Variants in ST6GALNAC5 observed in about 807,000 individuals in gnomAD.
The protein encoded by ST6GALNAC5 is alpha-N-acetylgalactosaminide alpha-2,6-sialyltransferase 5.
Under a neutral mutation model 33.6 loss-of-function variants are expected in ST6GALNAC5, and 27 were observed. The ratio of observed to expected loss-of-function variants is 0.80; its 90% confidence interval spans 0.59 to 1.11. ST6GALNAC5 has a LOEUF of 1.11. ST6GALNAC5 is among the 50% of genes least tolerant of loss of function. The pLI is 0.00. For missense variants in ST6GALNAC5, 428 were observed against 454.0 expected (o/e 0.94, Z 0.52); for synonymous variants, 194 against 171.2 (o/e 1.13, Z -1.04).
At chr1:77,041,002 T>C (rs1316587012) in intron 2 of ST6GALNAC5, among the ~76,000 whole-genome samples, 1 of 152,252 alleles carries the variant, frequency 6.6e-6, no homozygotes, top group African/African-American at 2.4e-5. Context: ...GTCAACTCTT[T>C]GCAGTCAGCT....
At chr1:76,882,001 C>T (rs1287809218) in intron 2 of ST6GALNAC5, among the ~76,000 whole-genome samples, 1 of 152,198 alleles carries the variant, frequency 6.6e-6, no homozygotes, top group Admixed American at 6.5e-5. Context: ...TCAGTGCCAA[C>T]ATCTTCTAAG....
rs537751071 is a variant in ST6GALNAC5, at chr1:76,899,749, TG to T, written c.261+31008del. ...AATTAAGAGAAGGGAGAGATTGAAGTGTGGCGCCAAGATTGAAAGAAGAAAG... is the reference window on the plus strand; with the variant it reads ...AATTAAGAGAAGGGAGAGATTGAAGTTGGCGCCAAGATTGAAAGAAGAAAG... On this transcript the variant is annotated intron_variant, in intron 2 of 4. Transcript: ENST00000477717. 2.6e-3 allele frequency among the ~76,000 whole-genome samples: 403 copies of T among 152,118 alleles called. 6 individuals are homozygous for T. The highest frequency in any genetic ancestry group is 9.3e-3 in the African/African-American group (385 of 41,506).
At chr1:77,004,285 A>G (rs1453697568) in intron 2 of ST6GALNAC5, among the ~76,000 whole-genome samples, 5 of 149,720 alleles carry the variant, frequency 3.3e-5, no homozygotes, top group Admixed American at 6.7e-5. Flanking sequence ...TGATCGCATC[A>G]GCTCCTGAGG....
At chr1:76,965,391 C>A (rs961479801) in intron 2 of ST6GALNAC5, among the ~76,000 whole-genome samples, 1 of 152,014 alleles carries the variant, frequency 6.6e-6, no homozygotes, top group African/African-American at 2.4e-5. Flanking sequence ...CATGTGTCTG[C>A]GGGTGCATAA....
At chr1:76,912,779 G>A (rs956250593) in intron 2 of ST6GALNAC5, among the ~76,000 whole-genome samples, 5 of 151,904 alleles carry the variant, frequency 3.3e-5, no homozygotes, top group Admixed American at 1.3e-4. Context: ...TTTGCTGGTA[G>A]ATCTTCCATC....
intron 2 of ST6GALNAC5, among the ~76,000 whole-genome samples, chr1:77,011,427 A>G (rs1650630602): frequency 6.6e-6 from 1 of 152,180 alleles, no homozygotes; most frequent in Non-Finnish European, 1.5e-5. Flanking sequence ...AAGCCATTAG[A>G]GATATTCCCT....
At chr1:76,919,859 A>G (rs1238970062) in intron 2 of ST6GALNAC5, among the ~76,000 whole-genome samples, 1 of 152,212 alleles carries the variant, frequency 6.6e-6, no homozygotes, top group Non-Finnish European at 1.5e-5. Flanking sequence ...GAACTGTAGT[A>G]TCACTACACT....
chr1:76,896,784 A>T (rs1654149606), intron 2 of ST6GALNAC5, among the ~76,000 whole-genome samples: 1 of 152,154 alleles, frequency 6.6e-6, no homozygotes, highest in Non-Finnish European at 1.5e-5. Context: ...AAGTTATGAG[A>T]AATGTAGAGA....
chr1:76,998,457 T>C (rs377683353), intron 2 of ST6GALNAC5, among the ~76,000 whole-genome samples: 1 of 152,122 alleles, frequency 6.6e-6, no homozygotes, highest in African/African-American at 2.4e-5. Context: ...GGAAAAAATG[T>C]TTATGACAAT....
At chr1:76,941,039 T>C (rs1019970715) in intron 2 of ST6GALNAC5, among the ~76,000 whole-genome samples, 2 of 152,092 alleles carry the variant, frequency 1.3e-5, no homozygotes, top group Non-Finnish European at 2.9e-5. Context: ...CCAATTTAAA[T>C]TGCTGGGCAC....
chr1:77,046,338 G>C (rs1652008806), intron 3 of ST6GALNAC5, among the ~76,000 whole-genome samples: 1 of 152,202 alleles, frequency 6.6e-6, no homozygotes. Context: ...CTCATTATTA[G>C]AGAATAGTCT....
At chr1:77,052,021 C>T (rs1056945900) in intron 4 of ST6GALNAC5, among the ~76,000 whole-genome samples, 57 of 152,146 alleles carry the variant, frequency 3.7e-4, no homozygotes, top group African/African-American at 1.2e-3. Flanking sequence ...ACTTCATGTA[C>T]GGTAGGATCG....
chr1:76,974,950 T>C (rs1239074927), intron 2 of ST6GALNAC5, among the ~76,000 whole-genome samples: 1 of 151,642 alleles, frequency 6.6e-6, no homozygotes, highest in Admixed American at 6.6e-5. Context: ...CATGCCCGGC[T>C]AATTTTTTGT....
At chr1:76,980,291 C>G (rs1030950248) in intron 2 of ST6GALNAC5, among the ~76,000 whole-genome samples, 1 of 152,060 alleles carries the variant, frequency 6.6e-6, no homozygotes, top group Non-Finnish European at 1.5e-5. Context: ...GTTGTCATAA[C>G]AGAAAACTTT....
chr1:76,883,301 G>T (rs1653824907), intron 2 of ST6GALNAC5, among the ~76,000 whole-genome samples: 3 of 152,148 alleles, frequency 2.0e-5, no homozygotes, highest in Admixed American at 6.5e-5. Flanking sequence ...CCCTGACTAG[G>T]TTTTACCTTT....
chr1:76,894,482 G>A (rs1051108519), intron 2 of ST6GALNAC5, among the ~76,000 whole-genome samples: 9 of 152,094 alleles, frequency 5.9e-5, no homozygotes, highest in South Asian at 2.1e-4. Flanking sequence ...AGGCAGGGGG[G>A]GGATCTTTAA....
intron 2 of ST6GALNAC5, among the ~76,000 whole-genome samples, chr1:76,897,652 G>C (rs1204674405): frequency 6.6e-6 from 1 of 152,162 alleles, no homozygotes; most frequent in African/African-American, 2.4e-5. Flanking sequence ...CTCAAAGGAG[G>C]CTTTGGATTG....
At chr1:77,045,637 G>A (rs929272987) in intron 3 of ST6GALNAC5, among the ~76,000 whole-genome samples, 3 of 152,168 alleles carry the variant, frequency 2.0e-5, no homozygotes, top group Admixed American at 1.3e-4. Flanking sequence ...GAGACCCAGG[G>A]CAATAAGTCT....
chr1:77,051,218 T>C (rs1438162270), intron 4 of ST6GALNAC5, among the ~76,000 whole-genome samples: 1 of 152,230 alleles, frequency 6.6e-6, no homozygotes, highest in Non-Finnish European at 1.5e-5. Flanking sequence ...CATGAGTCTT[T>C]AGGCAAAAGC....
Sources: gnomAD v4.1 joint callset for allele counts (sites outside exome capture counted in the v4.1 genomes callset) on GRCh38, gnomAD v4.1.1 for gene constraint, MANE v1.5 for transcripts, NCBI Gene and HGNC (gene_info 2026-07-23, HGNC 2026-07-21) for gene names.